Variants in BBS9 observed in about 807,000 individuals in gnomAD.
The protein encoded by BBS9 is Bardet-Biedl syndrome 9, also known as protein PTHB1.
In BBS9, 89 loss-of-function variants were observed where a neutral mutation model predicts 117.7. The observed-to-expected ratio is 0.76, with a 90% CI of 0.64 to 0.90. The LOEUF is 0.90. Among genes scored for constraint, BBS9 ranks in the 40% least tolerant of loss-of-function variants. The pLI is 0.00. For missense variants in BBS9, 982 were observed against 1,042.2 expected, an observed-to-expected ratio of 0.94 and a Z score of 0.80; for synonymous variants, 379 against 370.9, an observed-to-expected ratio of 1.02 and a Z score of -0.25.
At chr7:33,177,351 A>G (rs1038191863) in intron 4 of BBS9, 127 bp from the exon 5 acceptor site, 5 of 699,438 alleles carry the variant, frequency 7.1e-6, no homozygotes, top group East Asian at 2.7e-5. Flanking sequence ...TTCACAATAC[A>G]TAATATTTTA....
At chr7:33,568,857 A>C (rs1230367058) in intron 21 of BBS9, among the ~76,000 whole-genome samples, 1 of 152,228 alleles carries the variant, frequency 6.6e-6, no homozygotes, top group African/African-American at 2.4e-5. Context: ...AGGATAAATC[A>C]GAAACTAAAG....
At chr7:33,611,856 T>G (rs1295055013) in intron 21 of BBS9, among the ~76,000 whole-genome samples, 2 of 142,944 alleles carry the variant, frequency 1.4e-5, no homozygotes, top group African/African-American at 5.1e-5. Context: ...TATAATAATA[T>G]ATAAAGGAAT....
At chr7:33,284,940 A>G (rs1047313426) in intron 9 of BBS9, among the ~76,000 whole-genome samples, 3 of 152,170 alleles carry the variant, frequency 2.0e-5, no homozygotes, top group African/African-American at 7.2e-5. Flanking sequence ...GCCAAGTTAC[A>G]ATTCCCATGA....
rs144682344 is a variant in BBS9 at position 33,467,211 on chromosome 7, G to T, written c.2116-38252G>T. Among the ~76,000 whole-genome samples, 81 of 152,174 alleles carry T rather than the reference G, an allele frequency of 5.3e-4. 1 individual carries two copies. The East Asian group carries it at 0.016, about 29-fold the overall frequency. On this transcript the variant is annotated intron_variant, in intron 19 of 22. Coordinates refer to ENST00000242067, the MANE Select transcript of BBS9 (RefSeq NM_198428.3). ...GGACTTGATTCTGGGGGGAAACATT[G>T]CATGTAGTATCTCTAGGTTGTCTGC...
intron 9 of BBS9, among the ~76,000 whole-genome samples, chr7:33,325,594 A>T (rs143094999): frequency 1.4e-4 from 21 of 152,072 alleles, no homozygotes; most frequent in Non-Finnish European, 2.5e-4. Flanking sequence ...AGCCTTTGCA[A>T]TCTGGGTTTG....
chr7:33,618,845 A>AC (rs1865269728), intron 21 of BBS9, among the ~76,000 whole-genome samples: 2 of 152,176 alleles, frequency 1.3e-5, no homozygotes, highest in African/African-American at 2.4e-5. Flanking sequence ...ACACATACAC[A>AC]CACACATGAA....
At chr7:33,382,933 T>TA (rs984702024) in intron 17 of BBS9, among the ~76,000 whole-genome samples, 1 of 152,262 alleles carries the variant, frequency 6.6e-6, no homozygotes, top group Non-Finnish European at 1.5e-5. Flanking sequence ...TTCCTTTGTA[T>TA]AAAAAAGGGG....
chr7:33,519,668 G>T (rs1012055121), intron 20 of BBS9, among the ~76,000 whole-genome samples: 3 of 152,082 alleles, frequency 2.0e-5, no homozygotes, highest in Non-Finnish European at 2.9e-5. Context: ...TTGGTTCTGC[G>T]AATATGTTAA....
chr7:33,538,895 T>C (rs2129067465), intron 21 of BBS9, among the ~76,000 whole-genome samples: 1 of 152,276 alleles, frequency 6.6e-6, no homozygotes, highest in African/African-American at 2.4e-5. Context: ...ACAAGTTACT[T>C]AGTCTGTCTA....
intron 19 of BBS9, among the ~76,000 whole-genome samples, chr7:33,430,120 C>T (rs2128875846): frequency 6.6e-6 from 1 of 152,242 alleles, no homozygotes; most frequent in African/African-American, 2.4e-5. Flanking sequence ...GTTCTGTTAC[C>T]AATAAGCAGA....
Sources: allele counts gnomAD v4.1 joint callset (sites outside exome capture counted in the v4.1 genomes callset), GRCh38; gene constraint gnomAD v4.1.1; transcripts MANE v1.5; gene names NCBI Gene and HGNC (gene_info 2026-07-23, HGNC 2026-07-21).